TMOD1: variants seen among roughly 807,000 people sequenced by gnomAD.
The protein encoded by TMOD1 is tropomodulin-1.
In TMOD1, 17 loss-of-function variants were observed where a neutral mutation model predicts 40.6. The ratio of observed to expected loss-of-function variants is 0.42; its 90% CI spans 0.29 to 0.63. TMOD1 has a LOEUF of 0.63. Among genes scored for constraint, TMOD1 ranks in the 20% least tolerant of loss-of-function variants. The pLI, the probability that TMOD1 is intolerant of heterozygous loss-of-function variation, is 0.22. For synonymous variants in TMOD1, 181 were observed against 175.0 expected (o/e 1.03, Z -0.27); for missense variants, 391 against 447.6 (o/e 0.87, Z 1.14).
intron 3 of TMOD1, among the ~76,000 whole-genome samples, chr9:97,548,006 T>C (rs1394020557): frequency 1.3e-5 from 2 of 152,216 alleles, no homozygotes; most frequent in African/African-American, 2.4e-5. Flanking sequence ...GCTACAGGAA[T>C]GTAAAGACCA....
rs751916676 is a variant in TMOD1, at chr9:97,557,959, C to T, written c.397+4559C>T. 6.6e-6 allele frequency among the ~76,000 whole-genome samples: 1 copy of T among 152,030 alleles called. No individual in the cohort carries two copies. Among genetic ancestry groups the T allele is most frequent in the East Asian group, 1.9e-4 (1 of 5,174 alleles). ...GAAGCAACAGGCAATGTTGATGTGCCGTTTTCTCCCGTCACTCACTTCTGT... is the reference window on the plus strand; with the variant it reads ...GAAGCAACAGGCAATGTTGATGTGCTGTTTTCTCCCGTCACTCACTTCTGT... On this transcript the variant is annotated intron_variant, in intron 4 of 9. Transcript: ENST00000259365. This position sits in a 1 kb window ranked among gnomAD's most constrained non-coding sequence, Gnocchi z 4.4.
intron 9 of TMOD1, among the ~76,000 whole-genome samples, chr9:97,592,715 CAGAT>C (rs1826026707): frequency 6.6e-6 from 1 of 152,130 alleles, no homozygotes; most frequent in African/African-American, 2.4e-5. Context: ...CCCACATGCA[CAGAT>C]AACCACAGGA....
At chr9:97,536,415 C>T (rs764358199) in intron 2 of TMOD1, among the ~76,000 whole-genome samples, 1 of 151,994 alleles carries the variant, frequency 6.6e-6, no homozygotes, top group Non-Finnish European at 1.5e-5. Context: ...GAAGAGGAGT[C>T]AGCTGGAAGT....
intron 8 of TMOD1, among the ~76,000 whole-genome samples, chr9:97,587,568 T>G (rs1587961918): frequency 2.0e-5 from 1 of 49,434 alleles, no homozygotes; most frequent in African/African-American, 6.0e-5. Context: ...TAATTGTTTG[T>G]TTTTTTTTTA....
intron 1 of TMOD1, among the ~76,000 whole-genome samples, chr9:97,508,718 G>A (rs1829643011): frequency 6.6e-6 from 1 of 152,160 alleles, no homozygotes; most frequent in South Asian, 2.1e-4. Context: ...ACCTTGGTCA[G>A]TGTACTTACT....
At chr9:97,512,512 A>C (rs1829720189) in intron 1 of TMOD1, among the ~76,000 whole-genome samples, 1 of 152,216 alleles carries the variant, frequency 6.6e-6, no homozygotes, top group Admixed American at 6.5e-5. Flanking sequence ...AATGACCATT[A>C]AAAGTAGAGT....
At chr9:97,523,951 C>A (rs1293541039) in intron 1 of TMOD1, among the ~76,000 whole-genome samples, 190 bp from the exon 2 acceptor site, 1 of 152,238 alleles carries the variant, frequency 6.6e-6, no homozygotes, top group African/African-American at 2.4e-5. Flanking sequence ...AACTTACATG[C>A]TCTCAGGACT....
At chr9:97,552,459 G>A (rs538081963) in intron 3 of TMOD1, among the ~76,000 whole-genome samples, 31 of 152,078 alleles carry the variant, frequency 2.0e-4, no homozygotes, top group Non-Finnish European at 3.1e-4. Context: ...GTTTATTATT[G>A]CTCTCCTTTC....
intron 4 of TMOD1, among the ~76,000 whole-genome samples, chr9:97,562,370 G>A (rs1716854125): frequency 6.6e-6 from 1 of 152,160 alleles, no homozygotes; most frequent in Non-Finnish European, 1.5e-5. Context: ...TGGGGAGAAG[G>A]TGCCACATTC....
Position 97,562,765 on chromosome 9 carries a change from A to G in TMOD1, c.431A>G (p.Gln144Arg). 1 of 1,578,912 alleles carries G rather than the reference A, an allele frequency of 6.3e-7. No homozygotes were observed. The highest frequency in any genetic ancestry group is 8.6e-7 in the Non-Finnish European group (1 of 1,166,448). Reference sequence around the variant, plus strand: ...GGCATGCACACGCTCATGAGTAACCAGCAGTACTACCAGGCCCTGAGCAGC... The same window carrying G: ...GGCATGCACACGCTCATGAGTAACCGGCAGTACTACCAGGCCCTGAGCAGC... ...ILGMHTLMSN[Q>R]QYYQALSSSS... The change falls in exon 5 of 10, where the codon CAG (glutamine) becomes CGG (arginine). Residue 144 changes from glutamine (Q) to arginine (R), a missense_variant. Physicochemically the swap from Gln to Arg is conservative, Grantham distance 43. Transcript: ENST00000259365.
intron 7 of TMOD1, among the ~76,000 whole-genome samples, chr9:97,568,192 T>C (rs924768381): frequency 2.0e-5 from 3 of 152,016 alleles, no homozygotes; most frequent in East Asian, 1.9e-4. Context: ...AAGAGACAAG[T>C]GGGGAGTATG....
Position 97,591,426 on chromosome 9 carries a change from A to G in TMOD1, c.1006A>G (p.Asn336Asp). The G allele has an allele frequency of 1.2e-6, 2 of 1,614,128 alleles. No homozygotes were observed. Among genetic ancestry groups the G allele is most frequent in the Non-Finnish European group, 1.7e-6 (2 of 1,180,018 alleles). Residue 336 changes from asparagine to aspartate, a missense_variant, in exon 9 of 10, where the codon AAT (asparagine) becomes GAT (aspartate). By Grantham distance (23) the Asn-to-Asp change is conservative. Coordinates refer to ENST00000259365, the MANE Select transcript of TMOD1 (RefSeq NM_003275.4). ...LRASNAMMNN[N>D]DLVRKRRLAD... ...GGCATCCAACGCAATGATGAACAAC[A>G]ATGACCTTGGTGAGTAGAAATATGC...
rs1386471648 is a variant in TMOD1, at chr9:97,571,530, C to T, written c.870+2493C>T. ...ACATGCTATTCTAAGAGTTAATTTC[C>T]TGAGCAGGTATCATGTGCCAAAACC... is the stretch of plus-strand genomic sequence containing the variant. On this transcript the variant is annotated intron_variant, in intron 8 of 9. Coordinates refer to ENST00000259365, the MANE Select transcript of TMOD1 (RefSeq NM_003275.4). Among the ~76,000 whole-genome samples, 4 of 152,226 alleles carry T rather than the reference C, an allele frequency of 2.6e-5. No homozygotes were observed. The East Asian group carries it at 7.7e-4, about 29-fold the overall frequency.
At chr9:97,512,781 T>TA (rs1829724207) in intron 1 of TMOD1, 1 of 151,632 alleles carries the variant, frequency 6.6e-6, no homozygotes, top group Admixed American at 6.6e-5. Flanking sequence ...ATATTATAAA[T>TA]AGTTACTTTT....
At chr9:97,534,728 C>T (rs77805311) in intron 2 of TMOD1, among the ~76,000 whole-genome samples, 5,806 of 152,262 alleles carry the variant, frequency 0.038, 364 homozygotes, top group African/African-American at 0.13. Context: ...TGAAGGGCAC[C>T]CAGTATCCTT....
chr9:97,569,595 A>C (rs1830788584), intron 8 of TMOD1, among the ~76,000 whole-genome samples: 1 of 152,166 alleles, frequency 6.6e-6, no homozygotes, highest in South Asian at 2.1e-4. Context: ...CAATCATTTT[A>C]TCTGCGGGGC....
intron 3 of TMOD1, among the ~76,000 whole-genome samples, chr9:97,550,963 A>G (rs1297290666): frequency 6.8e-6 from 1 of 147,526 alleles, no homozygotes. Flanking sequence ...GGTCATAGAG[A>G]CATAACCTTA....
intron 2 of TMOD1, among the ~76,000 whole-genome samples, chr9:97,527,516 G>A (rs576293038): frequency 3.1e-4 from 47 of 152,350 alleles, no homozygotes; most frequent in Admixed American, 3.3e-4. Flanking sequence ...ATTCCATGCC[G>A]AGTGAGGGCC....
chr9:97,573,145 G>C (rs764840324), intron 8 of TMOD1, among the ~76,000 whole-genome samples: 1 of 152,214 alleles, frequency 6.6e-6, no homozygotes, highest in Non-Finnish European at 1.5e-5. Flanking sequence ...GAGGGAGCCT[G>C]CAGGCCCGGC....
Sources: gnomAD v4.1 joint callset for allele counts (sites outside exome capture counted in the v4.1 genomes callset) on GRCh38, gnomAD v4.1.1 for gene constraint, Gnocchi (gnomAD v3.1) non-coding constraint, MANE v1.5 for transcripts, NCBI Gene and HGNC (gene_info 2026-07-23, HGNC 2026-07-21) for gene names.